Variants in PML observed in about 807,000 individuals in gnomAD.
The protein encoded by PML is protein PML.
PML carries 28 observed loss-of-function variants against 65.2 expected under a neutral mutation model. That is an observed-to-expected ratio of 0.43 (90% CI 0.32 to 0.59). The LOEUF is 0.59. Ranked by LOEUF, PML falls within the 20% of genes least tolerant of loss-of-function variation. The probability of loss-of-function intolerance (pLI) is 0.08; values close to 1 mark genes in which losing one functional copy is unlikely to be tolerated. For synonymous variants in PML, 500 were observed against 508.8 expected (o/e 0.98, Z 0.23); for missense variants, 1,021 against 1,203.4 (o/e 0.85, Z 2.24).
rs1277778159 is a variant in PML, at chr15:74,034,326, A to G, written c.1658-152A>G. 4.4e-6 allele frequency: 4 copies of G among 907,556 alleles called. No homozygotes were observed. In the South Asian group the frequency reaches 5.3e-5, roughly 12 times the overall value. The allele number at this position is 907,556 out of a possible 1,614,324, so 56.2% of individuals were successfully genotyped here. ...AAATCCAAATGCAAAGCAGAGTCAC[A>G]TTGGCACACACAGTGGCTGTTCCCG... On this transcript the variant is annotated intron_variant, in intron 6 of 8. Transcript: ENST00000268058.
At chr15:74,040,770 A>G (rs751553629) in intron 7 of PML, among the ~76,000 whole-genome samples, 1 of 152,232 alleles carries the variant, frequency 6.6e-6, no homozygotes, top group Admixed American at 6.5e-5. Flanking sequence ...CAGGGCTGAA[A>G]GGTCCAGCCT....
In PML at chr15:74,046,361, A is replaced by AT. The variant is rs973501055; in HGVS notation, c.*1355dup. The AT allele has an allele frequency of 1.7e-5, 4 of 232,824 alleles. No individual in the cohort carries two copies. The highest frequency in any genetic ancestry group is 8.5e-6 in the Non-Finnish European group (1 of 117,890). 14.4% of individuals were successfully genotyped at this position (232,824 alleles called of 1,614,324 possible). ...TCCTCCCTCCTTCCCATCCCTACTC[A>AT]TTAGCTCCCTGCTCCTGGGATGCTT... is the stretch of plus-strand genomic sequence containing the variant. On this transcript the variant is annotated 3_prime_UTR_variant, in exon 9 of 9. Coordinates refer to ENST00000268058, the MANE Select transcript of PML (RefSeq NM_033238.3).
At chr15:74,023,467 C>A in intron 3 of PML, 59 bp downstream of exon 3, 1 of 1,341,920 alleles carries the variant, frequency 7.5e-7, no homozygotes, top group Non-Finnish European at 1.0e-6. Context: ...CTAGGGAAGG[C>A]GAGTCAGAAG....
intron 6 of PML, 62 bp downstream of exon 6, chr15:74,033,476 CT>C (rs1237549223): frequency 6.3e-7 from 1 of 1,588,500 alleles, no homozygotes; most frequent in Non-Finnish European, 8.6e-7. Flanking sequence ...CGGTGCCCCT[CT>C]TCTGTATTTT....
chr15:74,036,414 C>T, intron 7 of PML: 13 of 1,313,822 alleles, frequency 9.9e-6, no homozygotes, highest in Admixed American at 3.2e-5. Context: ...ACCCTTATTC[C>T]ACGACCATCG....
At position 74,046,114 on chromosome 15, in the gene PML, G is replaced by A. The variant is rs1173979076; in HGVS notation, c.*1106G>A. On this transcript the variant is annotated 3_prime_UTR_variant, in exon 9 of 9. Transcript: ENST00000268058. ...CCCCATCTGTAAAATGGGCTGATTG[G>A]CCTCCACGGTCAGAGCGGCCATCTG... 4.3e-6 allele frequency: 1 copy of A among 232,932 alleles called. No individual in the cohort carries two copies. The highest frequency in any genetic ancestry group is 8.5e-6 in the Non-Finnish European group (1 of 117,920). 14.4% of individuals were successfully genotyped at this position (232,932 alleles called of 1,614,324 possible). A position where few individuals can be genotyped will look rare whatever the true frequency, so the allele number is the denominator to read the frequency against.
At chr15:74,032,303 A>G (rs2071356253) in intron 4 of PML, 5 of 513,358 alleles carry the variant, frequency 9.7e-6, no homozygotes, top group Non-Finnish European at 1.8e-5. Flanking sequence ...AGACTGAAAC[A>G]GGAGAATTGC....
At position 74,037,694 on chromosome 15, in the gene PML, C is replaced by T; in HGVS notation, c.1710+3164C>T. On this transcript the variant is annotated intron_variant, in intron 7 of 8. Coordinates refer to ENST00000268058, the MANE Select transcript of PML (RefSeq NM_033238.3). The surrounding 1 kb of genome is among the most constrained non-coding windows in gnomAD (Gnocchi z 4.2). ...TTGACCGGCGCTGGGCCCGGTCTTTCCTGGAAAGATCGCCTGCTCGGATGC... is the reference window on the plus strand; with the variant it reads ...TTGACCGGCGCTGGGCCCGGTCTTTTCTGGAAAGATCGCCTGCTCGGATGC... 1.0e-6 allele frequency: 1 copy of T among 985,370 alleles called. No individual in the cohort carries two copies. Among genetic ancestry groups the T allele is most frequent in the Non-Finnish European group, 1.2e-6 (1 of 829,926 alleles). The allele number at this position is 985,370 out of a possible 1,614,324, so 61.0% of individuals were successfully genotyped here.
In PML at chr15:74,044,699, C is replaced by T; in HGVS notation, c.2340C>T (p.Ser780=). The T allele has an allele frequency of 6.2e-7, 1 of 1,607,958 alleles. No individual in the cohort carries two copies. The highest frequency in any genetic ancestry group is 8.5e-7 in the Non-Finnish European group (1 of 1,179,942). ...YPFSSLQCFA[S]LQPLVQAAVL... ...TCAGTAGCCTGCAGTGCTTTGCCTC[C>T]CTGCAGCCCCTGGTGCAGGCAGCTG... The change falls in exon 9 of 9, where the codon TCC becomes TCT. Residue 780 remains serine, a synonymous_variant. Coordinates refer to ENST00000268058, the MANE Select transcript of PML (RefSeq NM_033238.3).
Position 73,998,168 on chromosome 15 carries a change from T to G in PML, c.294T>G (p.Gly98=), listed in dbSNP as rs2069592869. ...CPICQAPWPL[G]ADTPALDNVF... is the part of the protein sequence containing the mutation. The stretch of plus-strand genomic sequence containing the variant: ...TCTGCCAGGCGCCCTGGCCCCTAGG[T>G]GCAGACACACCCGCCCTGGATAACG... The change falls in exon 2 of 9, where the codon GGT becomes GGG. Residue 98 remains glycine (G), a synonymous_variant. Transcript: ENST00000268058. The G allele has an allele frequency of 6.2e-7, 1 of 1,614,148 alleles. No individual in the cohort carries two copies. The highest frequency in any genetic ancestry group is 1.3e-5 in the African/African-American group (1 of 75,044).
chr15:74,013,661 C>T (rs962466265), intron 2 of PML, among the ~76,000 whole-genome samples: 7 of 152,230 alleles, frequency 4.6e-5, no homozygotes, highest in African/African-American at 1.7e-4. Context: ...CCATATGTTA[C>T]TCAACTCATA....
intron 2 of PML, among the ~76,000 whole-genome samples, chr15:74,004,835 T>C (rs1185870078): frequency 6.6e-6 from 1 of 151,918 alleles, no homozygotes; most frequent in East Asian, 1.9e-4. Context: ...GCCTCCCAAG[T>C]AGCTGGAACT....
At chr15:73,996,358 A>G (rs1269586242) in intron 1 of PML, among the ~76,000 whole-genome samples, 1 of 152,242 alleles carries the variant, frequency 6.6e-6, no homozygotes, top group East Asian at 1.9e-4. Flanking sequence ...TTACATATGT[A>G]TACTCAGGAG....
intron 2 of PML, among the ~76,000 whole-genome samples, chr15:74,019,533 T>C (rs1456222709): frequency 1.3e-5 from 2 of 152,198 alleles, no homozygotes; most frequent in African/African-American, 4.8e-5. Context: ...CTACCCTCAT[T>C]CCACCCATCC....
chr15:74,034,227 G>A (rs1017670082), intron 6 of PML: 35 of 565,830 alleles, frequency 6.2e-5, no homozygotes, highest in Non-Finnish European at 1.1e-4. Context: ...TCTGAATTCT[G>A]GGCAGATAAC....
At chr15:74,020,384 G>A (rs889467141) in intron 2 of PML, among the ~76,000 whole-genome samples, 1 of 151,076 alleles carries the variant, frequency 6.6e-6, no homozygotes, top group African/African-American at 2.4e-5. Context: ...CCACCTCCTG[G>A]GTTCAAGCAG....
In PML at chr15:74,032,677, G is replaced by A. The variant is rs1488618225; in HGVS notation, c.1360G>A (p.Val454Met). 4.3e-6 allele frequency: 7 copies of A among 1,614,226 alleles called. No homozygotes were observed. Among genetic ancestry groups the A allele is most frequent in the Non-Finnish European group, 5.9e-6 (7 of 1,180,006 alleles). Residue 454 changes from valine to methionine, a missense_variant, in exon 5 of 9, where the codon GTG becomes ATG. Physicochemically the swap from Val to Met is conservative, Grantham distance 21. Transcript: ENST00000268058. Reference protein sequence around the residue: ...QSVPGAHPVPVYAFSIKGPSY... With the variant: ...QSVPGAHPVPMYAFSIKGPSY... ...AGTGCCCGGGGCACACCCCGTGCCA[G>A]TGTACGCCTTCTCCATCAAAGGCCC...
chr15:74,012,084 G>T (rs1452289424), intron 2 of PML, among the ~76,000 whole-genome samples: 2 of 152,202 alleles, frequency 1.3e-5, no homozygotes, highest in African/African-American at 2.4e-5. Context: ...TAGACTTGCT[G>T]AACTTCAAAG....
chr15:74,024,343 G>C (rs1271666946), intron 3 of PML, among the ~76,000 whole-genome samples: 1 of 152,184 alleles, frequency 6.6e-6, no homozygotes, highest in Non-Finnish European at 1.5e-5. Context: ...CTCCACCTAG[G>C]TAGTGAATGT....
Sources: gnomAD v4.1 joint callset for allele counts (sites outside exome capture counted in the v4.1 genomes callset) on GRCh38, gnomAD v4.1.1 for gene constraint, Gnocchi (gnomAD v3.1) non-coding constraint, MANE v1.5 for transcripts, NCBI Gene and HGNC (gene_info 2026-07-23, HGNC 2026-07-21) for gene names.